The following PLEKHA1 variants were observed in gnomAD, a reference collection of about 807,000 sequenced individuals.
PLEKHA1 encodes pleckstrin homology domain containing A1, also known as pleckstrin homology domain-containing family A member 1.
PLEKHA1 carries 34 observed loss-of-function variants against 52.0 expected under a neutral mutation model. The observed-to-expected ratio is 0.65, with a 90% CI of 0.50 to 0.87. The LOEUF is 0.87. PLEKHA1 is among the 40% of genes least tolerant of loss of function. The pLI, the probability that PLEKHA1 is intolerant of heterozygous loss-of-function variation, is 0.00. For missense variants in PLEKHA1, 497 were observed against 504.2 expected (o/e 0.99, Z 0.14); for synonymous variants, 163 against 170.7 (o/e 0.95, Z 0.35).
intron 1 of PLEKHA1, among the ~76,000 whole-genome samples, chr10:122,382,544 ATTCT>A: frequency 6.6e-6 from 1 of 152,206 alleles, no homozygotes; most frequent in Non-Finnish European, 1.5e-5. Context: ...GACTATGAAT[ATTCT>A]GTTTCCTAAC....
chr10:122,408,946 T>C (rs1332115676), intron 5 of PLEKHA1, among the ~76,000 whole-genome samples: 2 of 152,214 alleles, frequency 1.3e-5, no homozygotes, highest in Admixed American at 1.3e-4. Flanking sequence ...CTGTGTGATA[T>C]ATAAATTTTA....
intron 1 of PLEKHA1, among the ~76,000 whole-genome samples, chr10:122,377,425 A>G (rs1261241679): frequency 3.9e-5 from 6 of 152,176 alleles, no homozygotes; most frequent in Non-Finnish European, 7.4e-5. Context: ...TAGATCTGCA[A>G]TGATACAATA....
At chr10:122,399,884 C>G (rs1287726502) in intron 3 of PLEKHA1, among the ~76,000 whole-genome samples, 1 of 152,146 alleles carries the variant, frequency 6.6e-6, no homozygotes, top group African/African-American at 2.4e-5. Context: ...TGTGCCCAGC[C>G]TAGATTTGTG....
chr10:122,417,245 G>A (rs554602921), intron 7 of PLEKHA1, among the ~76,000 whole-genome samples: 4 of 152,040 alleles, frequency 2.6e-5, no homozygotes, highest in South Asian at 2.1e-4. Context: ...GGAGAAACTT[G>A]ATGTGGTTTA....
In PLEKHA1 at chr10:122,393,502, T is replaced by C. The variant is rs2096803354; in HGVS notation, c.141+161T>C. Among the ~76,000 whole-genome samples the C allele has an allele frequency of 1.3e-5, 2 of 152,204 alleles. No individual in the cohort carries two copies. The highest frequency in any genetic ancestry group is 1.3e-4 in the Admixed American group (2 of 15,278). Reference sequence around the variant, plus strand: ...CCCTGCACCCCTGACCTCTACTGTTTTGTTTGAATTTCAGAAGGTGAAACT... The same window carrying C: ...CCCTGCACCCCTGACCTCTACTGTTCTGTTTGAATTTCAGAAGGTGAAACT... On this transcript the variant is annotated intron_variant, in intron 2 of 11. Coordinates refer to ENST00000368990, the MANE Select transcript of PLEKHA1 (RefSeq NM_001001974.4). The surrounding 1 kb of genome is among the most constrained non-coding windows in gnomAD (Gnocchi z 4.5).
Position 122,429,780 on chromosome 10 carries a change from C to T in PLEKHA1, c.1057C>T (p.Pro353Ser). The change falls in exon 12 of 12, where the codon CCA becomes TCA. Residue 353 changes from proline to serine, a missense_variant. Coordinates refer to ENST00000368990, the MANE Select transcript of PLEKHA1 (RefSeq NM_001001974.4). ...TTACGAGTCTCTTGCCAAGGTCAAG[C>T]CAGGGAACTTCAAGGTCCAGACTGT... ...GFYESLAKVK[P>S]GNFKVQTVSP... The T allele has an allele frequency of 6.2e-7, 1 of 1,614,188 alleles. No homozygotes were observed. The highest frequency in any genetic ancestry group is 8.5e-7 in the Non-Finnish European group (1 of 1,180,036).
At chr10:122,394,069 CTTTTTT>C (rs796831792) in intron 2 of PLEKHA1, among the ~76,000 whole-genome samples, 5 of 97,208 alleles carry the variant, frequency 5.1e-5, no homozygotes, top group Admixed American at 5.0e-4. Context: ...ACTTTCTCTA[CTTTTTT>C]TTTTTTTTTT....
intron 8 of PLEKHA1, chr10:122,418,426 A>G (rs1261370158): frequency 6.5e-6 from 1 of 154,486 alleles, no homozygotes; most frequent in East Asian, 1.9e-4. Flanking sequence ...ATGAATGTAT[A>G]TCTGTATATA....
At chr10:122,392,743 A>G (rs1239923183) in intron 1 of PLEKHA1, among the ~76,000 whole-genome samples, 1 of 152,220 alleles carries the variant, frequency 6.6e-6, no homozygotes, top group Non-Finnish European at 1.5e-5. Context: ...AACATATGGA[A>G]AAGAACCTTG....
At position 122,424,185 on chromosome 10, in the gene PLEKHA1, T is replaced by TA; in HGVS notation, c.682-14_682-13insA. On this transcript the variant is annotated splice_polypyrimidine_tract_variant and intron_variant, in intron 8 of 11. Coordinates refer to ENST00000368990, the MANE Select transcript of PLEKHA1 (RefSeq NM_001001974.4). ...ATCATGTAACTGTTTTTTTTTTTTT[T>TA]TTTTTTTTGCCAGGAAAAGGAACCT... 1 of 1,500,578 alleles carries TA rather than the reference T, an allele frequency of 6.7e-7. No homozygotes were observed. 93.0% of individuals were successfully genotyped at this position (1,500,578 alleles called of 1,614,324 possible).
rs773665076 is a variant in PLEKHA1, at chr10:122,415,856, TAGAA to T, written c.471_474del (p.Glu158LysfsTer2). The T allele has an allele frequency of 7.5e-6, 12 of 1,605,154 alleles. No individual in the cohort carries two copies. Among genetic ancestry groups the T allele is most frequent in the Admixed American group, 1.7e-5 (1 of 59,224 alleles). On this transcript the variant is annotated splice_acceptor_variant and coding_sequence_variant, in exon 7 of 12. Coordinates refer to ENST00000368990, the MANE Select transcript of PLEKHA1 (RefSeq NM_001001974.4). LOFTEE classifies it high-confidence loss of function. ...ATAATTTATTTATTTTGCTTCATTT[TAGAA>T]AGAAGAAGTAAATGAATGTGGTGAA...
At chr10:122,384,514 A>G (rs1398061948) in intron 1 of PLEKHA1, among the ~76,000 whole-genome samples, 1 of 150,290 alleles carries the variant, frequency 6.7e-6, no homozygotes, top group Non-Finnish European at 1.5e-5. Flanking sequence ...AGGCTGAGGC[A>G]GGAGAATGGT....
intron 11 of PLEKHA1, 87 bp from the exon 12 acceptor site, chr10:122,429,530 GTTTTATT>G: frequency 7.9e-6 from 7 of 886,298 alleles, no homozygotes; most frequent in East Asian, 2.9e-5. Context: ...GTGTGTGTGT[GTTTTATT>G]TGTTTTTCAG....
chr10:122,400,371 AGGCGGAGTTCT>A lies in PLEKHA1; in HGVS notation c.229_239del (p.Ala77PhefsTer16). On this transcript the variant is annotated frameshift_variant, in exon 4 of 12. Transcript: ENST00000368990. LOFTEE classifies it high-confidence loss of function. ...AGCGATGCTACTAAGCTAAGGCCAA[AGGCGGAGTTCT>A]GTTTTGGTAAGTAGCCATGTTATAT... 6.2e-7 allele frequency: 1 copy of A among 1,607,856 alleles called. No individual in the cohort carries two copies. Among genetic ancestry groups the A allele is most frequent in the Non-Finnish European group, 8.5e-7 (1 of 1,177,818 alleles).
At chr10:122,397,844 A>G (rs1240826578) in intron 2 of PLEKHA1, 74 bp from the exon 3 acceptor site, 3 of 1,175,858 alleles carry the variant, frequency 2.6e-6, no homozygotes, top group Non-Finnish European at 2.4e-6. Flanking sequence ...TTTCAGAAGT[A>G]TATGTGGAAC....
intron 1 of PLEKHA1, among the ~76,000 whole-genome samples, chr10:122,391,527 C>G (rs2096775399): frequency 1.3e-5 from 2 of 152,010 alleles, no homozygotes; most frequent in South Asian, 2.1e-4. Context: ...CTTTTTTCCC[C>G]CACATTGAAT....
intron 8 of PLEKHA1, chr10:122,421,523 A>G (rs1364241570): frequency 6.6e-6 from 1 of 152,144 alleles, no homozygotes; most frequent in African/African-American, 2.4e-5. Context: ...AATGTAGGAA[A>G]AGTATTCAGG....
At chr10:122,416,481 A>G (rs2097177251) in intron 7 of PLEKHA1, among the ~76,000 whole-genome samples, 2 of 152,160 alleles carry the variant, frequency 1.3e-5, no homozygotes, top group Non-Finnish European at 2.9e-5. Flanking sequence ...CTTAAGGAAT[A>G]TCATATAAAA....
chr10:122,397,842 G>A, intron 2 of PLEKHA1, 76 bp from the exon 3 acceptor site: 1 of 1,155,580 alleles, frequency 8.7e-7, no homozygotes. Flanking sequence ...CTTTTCAGAA[G>A]TATATGTGGA....
Sources: gnomAD v4.1 joint callset for allele counts (sites outside exome capture counted in the v4.1 genomes callset) on GRCh38, gnomAD v4.1.1 for gene constraint, Gnocchi (gnomAD v3.1) non-coding constraint, MANE v1.5 for transcripts, NCBI Gene and HGNC (gene_info 2026-07-23, HGNC 2026-07-21) for gene names.